The following PCDHGA1 variants were observed in gnomAD, a reference collection of about 807,000 sequenced individuals.
PCDHGA1 encodes the protein protocadherin gamma subfamily A, 1, also known as protocadherin gamma-A1.
A neutral mutation model predicts 58.0 loss-of-function variants in PCDHGA1; 32 were observed. The ratio of observed to expected loss-of-function variants is 0.55; its 90% CI spans 0.42 to 0.74. PCDHGA1 has a LOEUF of 0.74. Ranked by LOEUF, PCDHGA1 falls within the 30% of genes least tolerant of loss-of-function variation. The pLI, the probability that PCDHGA1 is intolerant of heterozygous loss-of-function variation, is 0.00. For synonymous variants in PCDHGA1, 498 were observed against 501.1 expected (o/e 0.99, Z 0.08); for missense variants, 1,205 against 1,182.3 (o/e 1.02, Z -0.28).
rs752301399 is a variant in PCDHGA1, at chr5:141,357,057, G to A, written c.2421+23952G>A. On this transcript the variant is annotated intron_variant, in intron 1 of 3. Transcript: ENST00000517417. ...CCAGCGAGCCGGGACTATTTGCAGTGGGGCTGCACACAGGCGAGGTGCGCA... is the reference window on the plus strand; with the variant it reads ...CCAGCGAGCCGGGACTATTTGCAGTAGGGCTGCACACAGGCGAGGTGCGCA... 1.2e-5 allele frequency: 19 copies of A among 1,614,020 alleles called. No individual in the cohort carries two copies. In the South Asian group the frequency reaches 2.1e-4, roughly 18 times the overall value.
rs1018097924 is a variant in PCDHGA1 at position 141,413,435 on chromosome 5, G to C, written c.2421+80330G>C. Reference sequence around the variant, plus strand: ...TTCTCTCTGAACCCGCGCAGCGGCAGCTTGATCACCGCGGGCAGGATAGAC... The same window carrying C: ...TTCTCTCTGAACCCGCGCAGCGGCACCTTGATCACCGCGGGCAGGATAGAC... On this transcript the variant is annotated intron_variant, in intron 1 of 3. Transcript: ENST00000517417. The C allele has an allele frequency of 6.2e-6, 10 of 1,614,004 alleles. No homozygotes were observed. The Admixed American group carries it at 1.7e-4, about 27-fold the overall frequency.
intron 1 of PCDHGA1, chr5:141,433,354 T>C: frequency 1.7e-6 from 1 of 602,322 alleles, no homozygotes; most frequent in Non-Finnish European, 2.9e-6. Flanking sequence ...CCACCTACTG[T>C]CTGCCTATCT....
chr5:141,332,953 G>T lies in PCDHGA1; in HGVS notation c.2269G>T (p.Val757Phe), dbSNP rs779897860. 9 of 1,614,156 alleles carry T rather than the reference G, an allele frequency of 5.6e-6. No individual in the cohort carries two copies. In the Admixed American group the frequency reaches 8.3e-5, roughly 15 times the overall value. The change falls in exon 1 of 4, where the codon GTC (valine) becomes TTC (phenylalanine). Residue 757 changes from valine (V) to phenylalanine (F), a missense_variant. Coordinates refer to ENST00000517417, the MANE Select transcript of PCDHGA1 (RefSeq NM_018912.3). The surrounding 1 kb of genome is among the most constrained non-coding windows in gnomAD (Gnocchi z 4.6). ...RAFLQTYSHE[V>F]SLTADSRKSH... ...TTTCCTGCAGACCTATTCCCACGAGGTCTCCCTCACTGCGGACTCGCGGAA... is the reference window on the plus strand; with the variant it reads ...TTTCCTGCAGACCTATTCCCACGAGTTCTCCCTCACTGCGGACTCGCGGAA...
chr5:141,350,796 C>A (rs780182840), intron 1 of PCDHGA1: 4 of 1,613,966 alleles, frequency 2.5e-6, no homozygotes, highest in East Asian at 4.5e-5. Context: ...TCTCTGTCAA[C>A]GAAGGAAAGT....
chr5:141,489,220 C>G lies in PCDHGA1; in HGVS notation c.2422-5587C>G. The G allele has an allele frequency of 6.6e-7, 1 of 1,508,698 alleles. No individual in the cohort carries two copies. Among genetic ancestry groups the G allele is most frequent in the South Asian group, 1.3e-5 (1 of 75,604 alleles). The allele number at this position is 1,508,698 out of a possible 1,614,324, so 93.5% of individuals were successfully genotyped here. A position where few individuals can be genotyped will look rare whatever the true frequency, so the allele number is the denominator to read the frequency against. ...AGACAGGACAGCACAGACTTACTCT[C>G]CACAAAGGGACTTCTGGGTCATGGG... On this transcript the variant is annotated intron_variant, in intron 1 of 3. Transcript: ENST00000517417. The surrounding 1 kb of genome is among the most constrained non-coding windows in gnomAD (Gnocchi z 4.5).
chr5:141,355,192 G>A, intron 1 of PCDHGA1: 5 of 1,592,970 alleles, frequency 3.1e-6, no homozygotes, highest in African/African-American at 1.3e-5. Context: ...ACTCCGCGGC[G>A]GGGTTGTAAT....
chr5:141,362,776 G>C (rs1407810350), intron 1 of PCDHGA1: 1 of 601,614 alleles, frequency 1.7e-6, no homozygotes, highest in Non-Finnish European at 2.8e-6. Flanking sequence ...ATATTGCACT[G>C]TATTTCTTTT....
chr5:141,490,321 G>C lies in PCDHGA1; in HGVS notation c.2422-4486G>C. On this transcript the variant is annotated intron_variant, in intron 1 of 3. Coordinates refer to ENST00000517417, the MANE Select transcript of PCDHGA1 (RefSeq NM_018912.3). The surrounding 1 kb of genome is among the most constrained non-coding windows in gnomAD (Gnocchi z 5.4). ...GGCCTCTTTGGCCAACCCTGTCCTA[G>C]AGAGCACACCAGTGGGCACAGTAGT... 1.2e-6 allele frequency: 2 copies of C among 1,614,220 alleles called. No homozygotes were observed. The highest frequency in any genetic ancestry group is 1.7e-6 in the Non-Finnish European group (2 of 1,180,044).
chr5:141,374,510 C>T (rs760895208), intron 1 of PCDHGA1: 2 of 1,611,824 alleles, frequency 1.2e-6, no homozygotes, highest in East Asian at 2.2e-5. Context: ...AGTGAAAATT[C>T]TCGAAAACGC....
intron 1 of PCDHGA1, chr5:141,433,151 G>T (rs2097572071): frequency 1.2e-6 from 2 of 1,614,006 alleles, no homozygotes; most frequent in African/African-American, 1.3e-5. Context: ...AGGTGATTCG[G>T]TATTTTCTAA....
intron 1 of PCDHGA1, among the ~76,000 whole-genome samples, chr5:141,451,403 G>A (rs2154563571): frequency 6.6e-6 from 1 of 152,288 alleles, no homozygotes; most frequent in South Asian, 2.1e-4. Context: ...GCAAAATTAA[G>A]TTCCTTGTGG....
intron 1 of PCDHGA1, chr5:141,344,189 G>A (rs1561487340): frequency 6.2e-7 from 1 of 1,614,024 alleles, no homozygotes; most frequent in Admixed American, 1.7e-5. Flanking sequence ...CTAACGACCT[G>A]GGGCTAGAGC....
chr5:141,402,825 A>G, intron 1 of PCDHGA1: 1 of 1,320,620 alleles, frequency 7.6e-7, no homozygotes, highest in Non-Finnish European at 1.0e-6. Flanking sequence ...ACCTGCTCCC[A>G]GGCTGCAGCA....
In PCDHGA1 at chr5:141,432,545, A is replaced by G; in HGVS notation, c.2422-62262A>G. Reference sequence around the variant, plus strand: ...GGTGACCAAGGTGGTGGCGGTGGACAGAGACTCCGGCCAGAACGCCTGGCT... The same window carrying G: ...GGTGACCAAGGTGGTGGCGGTGGACGGAGACTCCGGCCAGAACGCCTGGCT... On this transcript the variant is annotated intron_variant, in intron 1 of 3. Coordinates refer to ENST00000517417, the MANE Select transcript of PCDHGA1 (RefSeq NM_018912.3). This position sits in a 1 kb window ranked among gnomAD's most constrained non-coding sequence, Gnocchi z 6.0. The G allele has an allele frequency of 1.2e-6, 2 of 1,613,876 alleles. No homozygotes were observed. Among genetic ancestry groups the G allele is most frequent in the Non-Finnish European group, 1.7e-6 (2 of 1,179,984 alleles).
intron 1 of PCDHGA1, chr5:141,372,569 C>T (rs1768882362): frequency 1.9e-6 from 3 of 1,614,034 alleles, no homozygotes; most frequent in African/African-American, 2.7e-5. Context: ...CCACTGAGGG[C>T]TACTTTCAGC....
At chr5:141,346,895 G>GT (rs1757823698) in intron 1 of PCDHGA1, among the ~76,000 whole-genome samples, 1 of 152,128 alleles carries the variant, frequency 6.6e-6, no homozygotes, top group Non-Finnish European at 1.5e-5. Flanking sequence ...AGCTTATCCT[G>GT]ATACATACAA....
At chr5:141,422,942 G>A (rs199976232) in intron 1 of PCDHGA1, 5 of 1,614,096 alleles carry the variant, frequency 3.1e-6, no homozygotes, top group Non-Finnish European at 4.2e-6. Flanking sequence ...CCCACAGACG[G>A]CTCCACTGGC....
chr5:141,422,253 T>C (rs917280432), intron 1 of PCDHGA1: 58 of 1,566,438 alleles, frequency 3.7e-5, no homozygotes, highest in Non-Finnish European at 5.0e-5. Context: ...TGGATGTGAA[T>C]GATAACGCTC....
At chr5:141,500,453 C>G (rs1403599390) in intron 2 of PCDHGA1, among the ~76,000 whole-genome samples, 1 of 152,246 alleles carries the variant, frequency 6.6e-6, no homozygotes, top group African/African-American at 2.4e-5. Flanking sequence ...TCGTGATCCG[C>G]CCGCCTCGGC....
Sources: gnomAD v4.1 joint callset for allele counts (sites outside exome capture counted in the v4.1 genomes callset) on GRCh38, gnomAD v4.1.1 for gene constraint, Gnocchi (gnomAD v3.1) non-coding constraint, MANE v1.5 for transcripts, NCBI Gene and HGNC (gene_info 2026-07-23, HGNC 2026-07-21) for gene names.